COL4A6: variants seen among roughly 807,000 people sequenced by gnomAD.
The protein encoded by COL4A6 is collagen alpha-6(IV) chain.
Under a neutral mutation model 126.7 loss-of-function variants are expected in COL4A6, and 59 were observed. The ratio of observed to expected loss-of-function variants is 0.47; its 90% CI spans 0.38 to 0.58. COL4A6 has a LOEUF of 0.58. Among genes scored for constraint, COL4A6 ranks in the 20% least tolerant of loss-of-function variants. COL4A6 has a pLI of 0.00. For synonymous variants in COL4A6, 547 were observed against 496.6 expected, an observed-to-expected ratio of 1.10 and a Z score of -1.35; for missense variants, 1,285 against 1,337.3, an observed-to-expected ratio of 0.96 and a Z score of 0.61.
rs760531217 is a variant in COL4A6 at position 108,178,736 on chromosome X, G to A, written c.2463C>T (p.Gly821=). The A allele has an allele frequency of 8.3e-7, 1 of 1,211,750 alleles. No individual in the cohort carries two copies. The highest frequency in any genetic ancestry group is 1.8e-5 in the South Asian group (1 of 56,959). The part of the protein sequence containing the change: ...PGTPGSSGPY[G]IKGKSGLPGA... ...CTGGGAGCCCAGATTTGCCCTTGAT[G>A]CCATATGGACCACTAGATCCTGGGG... is the stretch of plus-strand genomic sequence containing the variant. The change falls in exon 27 of 45, where the codon GGC becomes GGT. Residue 821 remains glycine (G), a synonymous_variant. Transcript: ENST00000334504.
chrX:108,385,054 C>T (rs761323595), intron 2 of COL4A6, among the ~76,000 whole-genome samples: 6 of 110,496 alleles, frequency 5.4e-5, no homozygotes, highest in Non-Finnish European at 1.1e-4. Context: ...ATGCCTGAAA[C>T]CTCAGATAGT....
chrX:108,194,424 T>A (rs1482029016), intron 16 of COL4A6, 110 bp downstream of exon 16: 3 of 799,352 alleles, frequency 3.8e-6, no homozygotes, highest in African/African-American at 4.2e-5. Context: ...TAAGAAAAAA[T>A]TGAAACTTAA....
At chrX:108,263,887 T>C (rs181458984) in intron 3 of COL4A6, among the ~76,000 whole-genome samples, 110 of 111,639 alleles carry the variant, frequency 9.9e-4, no homozygotes, top group Non-Finnish European at 1.7e-3. Flanking sequence ...TGTTTTCATG[T>C]CCATGGCAGA....
At chrX:108,273,644 T>G (rs977257860) in intron 3 of COL4A6, among the ~76,000 whole-genome samples, 2 of 112,242 alleles carry the variant, frequency 1.8e-5, no homozygotes, top group Non-Finnish European at 1.9e-5. Flanking sequence ...TGGAATACTA[T>G]GCAGCCATAA....
chrX:108,168,151 T>G (rs1296678198), intron 37 of COL4A6, among the ~76,000 whole-genome samples: 1 of 112,583 alleles, frequency 8.9e-6, no homozygotes, highest in African/African-American at 3.2e-5. Flanking sequence ...ATAATTGTGA[T>G]TTTATTATCT....
At chrX:108,431,573 G>GCA (rs2064173904) in intron 2 of COL4A6, among the ~76,000 whole-genome samples, 1 of 111,820 alleles carries the variant, frequency 8.9e-6, no homozygotes, top group Non-Finnish European at 1.9e-5. Flanking sequence ...ATTAAGTATG[G>GCA]TTTAAGAAGA....
intron 42 of COL4A6, 54 bp from the exon 43 acceptor site, chrX:108,160,708 G>A: frequency 9.6e-7 from 1 of 1,043,695 alleles, no homozygotes; most frequent in Non-Finnish European, 1.3e-6. Flanking sequence ...GACAACATCA[G>A]CTACTCACAT....
intron 2 of COL4A6, among the ~76,000 whole-genome samples, chrX:108,345,836 A>G (rs1014274672): frequency 2.7e-5 from 3 of 111,816 alleles, no homozygotes; most frequent in Non-Finnish European, 3.8e-5. Flanking sequence ...CTGACTGCAC[A>G]TTAGAATCAC....
chrX:108,373,202 A>C (rs1244419614), intron 2 of COL4A6, among the ~76,000 whole-genome samples: 2 of 111,474 alleles, frequency 1.8e-5, no homozygotes, highest in African/African-American at 6.5e-5. Flanking sequence ...CAGTAGTTCA[A>C]GACCAGCTTG....
intron 2 of COL4A6, among the ~76,000 whole-genome samples, chrX:108,372,429 T>C: frequency 8.9e-6 from 1 of 111,875 alleles, no homozygotes; most frequent in African/African-American, 3.2e-5. Flanking sequence ...AAACTCTACA[T>C]TCACAAGAAT....
chrX:108,280,612 G>T (rs955916723), intron 3 of COL4A6, among the ~76,000 whole-genome samples: 1 of 111,812 alleles, frequency 8.9e-6, no homozygotes, highest in Non-Finnish European at 1.9e-5. Flanking sequence ...CCAGTCAATA[G>T]AAAAAGACGG....
intron 3 of COL4A6, among the ~76,000 whole-genome samples, chrX:108,262,874 C>T (rs372820660): frequency 1.7e-4 from 19 of 111,430 alleles, no homozygotes; most frequent in East Asian, 5.7e-4. Context: ...ATCAGTTGTC[C>T]TACATTTCAT....
intron 3 of COL4A6, among the ~76,000 whole-genome samples, chrX:108,283,213 G>T (rs188096157): frequency 8.9e-6 from 1 of 111,847 alleles, no homozygotes; most frequent in African/African-American, 3.2e-5. Flanking sequence ...CAGATAGTCA[G>T]CCTTTGAGGC....
At chrX:108,398,362 ATGTGTGTC>A (rs202084838) in intron 2 of COL4A6, among the ~76,000 whole-genome samples, 2,017 of 111,923 alleles carry the variant, frequency 0.018, 44 homozygotes, top group African/African-American at 0.062. Context: ...TTTAAAATTT[ATGTGTGTC>A]TGTGTGTTTT....
At chrX:108,223,361 C>G (rs1287739516) in intron 3 of COL4A6, among the ~76,000 whole-genome samples, 2 of 111,415 alleles carry the variant, frequency 1.8e-5, no homozygotes, top group African/African-American at 6.6e-5. Context: ...CACATGTATC[C>G]TAGAACTTGA....
At chrX:108,164,553 C>T (rs749679828) in intron 40 of COL4A6, 47 bp downstream of exon 40, 2 of 1,120,782 alleles carry the variant, frequency 1.8e-6, no homozygotes, top group South Asian at 1.9e-5. Flanking sequence ...TACCACCAGG[C>T]CCCTCCCTCG....
At chrX:108,288,151 A>C (rs2038056631) in intron 3 of COL4A6, among the ~76,000 whole-genome samples, 1 of 112,139 alleles carries the variant, frequency 8.9e-6, no homozygotes, top group Non-Finnish European at 1.9e-5. Context: ...TTTGTAGCCA[A>C]ATATAATCTT....
chrX:108,174,068 A>G (rs1275183334), intron 31 of COL4A6, among the ~76,000 whole-genome samples: 1 of 112,439 alleles, frequency 8.9e-6, no homozygotes, highest in Non-Finnish European at 1.9e-5. Flanking sequence ...TGAGGAAGTC[A>G]GACCCACACA....
At chrX:108,290,975 A>G (rs950726803) in intron 3 of COL4A6, among the ~76,000 whole-genome samples, 27 of 112,281 alleles carry the variant, frequency 2.4e-4, no homozygotes, top group African/African-American at 8.8e-4. Flanking sequence ...GGGGTGACCA[A>G]TTCATTCCAG....
Sources: gnomAD v4.1 joint callset for allele counts (sites outside exome capture counted in the v4.1 genomes callset) on GRCh38, gnomAD v4.1.1 for gene constraint, MANE v1.5 for transcripts, NCBI Gene and HGNC (gene_info 2026-07-23, HGNC 2026-07-21) for gene names.